TBX15: variants seen among roughly 807,000 people sequenced by gnomAD.
TBX15 encodes T-box transcription factor TBX15.
TBX15 carries 18 observed loss-of-function variants against 53.9 expected under a neutral mutation model. The ratio of observed to expected loss-of-function variants is 0.33; its 90% confidence interval spans 0.23 to 0.49. The LOEUF (loss-of-function observed/expected upper bound fraction) is 0.49, where lower values mean the gene tolerates loss of function less well. TBX15 is among the 20% of genes least tolerant of loss of function. TBX15 has a pLI of 0.98. For missense variants in TBX15, 692 were observed against 749.5 expected (o/e 0.92, Z 0.90); for synonymous variants, 295 against 278.0 (o/e 1.06, Z -0.61).
chr1:118,909,709 A>G (rs549429390), intron 6 of TBX15, among the ~76,000 whole-genome samples: 1 of 152,258 alleles, frequency 6.6e-6, no homozygotes, highest in Non-Finnish European at 1.5e-5. Flanking sequence ...CAGCGCCCCC[A>G]GTAGCTGGGA....
chr1:118,967,466 GA>G (rs1053840744), intron 1 of TBX15, among the ~76,000 whole-genome samples: 2 of 152,144 alleles, frequency 1.3e-5, no homozygotes, highest in African/African-American at 4.8e-5. Context: ...TGCCACCACT[GA>G]GCTAAGATTT....
chr1:118,939,015 A>G (rs982861576), intron 1 of TBX15, among the ~76,000 whole-genome samples: 1 of 152,188 alleles, frequency 6.6e-6, no homozygotes, highest in Non-Finnish European at 1.5e-5. Context: ...AATGTGGTAC[A>G]TATATACCAT....
intron 1 of TBX15, among the ~76,000 whole-genome samples, chr1:118,941,429 A>G (rs932029604): frequency 6.6e-6 from 1 of 152,186 alleles, no homozygotes; most frequent in African/African-American, 2.4e-5. Flanking sequence ...AAGTAGGATA[A>G]ACATTTGAGC....
intron 6 of TBX15, among the ~76,000 whole-genome samples, chr1:118,908,905 A>G (rs1456511818): frequency 2.1e-5 from 3 of 144,126 alleles, no homozygotes; most frequent in African/African-American, 7.7e-5. Flanking sequence ...ACTTACACAT[A>G]CGCACACTCA....
chr1:118,958,019 C>A (rs1270128490), intron 1 of TBX15, among the ~76,000 whole-genome samples: 14 of 152,134 alleles, frequency 9.2e-5, no homozygotes, highest in Non-Finnish European at 1.9e-4. Context: ...AAAATTAATG[C>A]AAAAATTTGC....
At chr1:118,971,927 T>C (rs145107350) in intron 1 of TBX15, among the ~76,000 whole-genome samples, 329 of 152,362 alleles carry the variant, frequency 2.2e-3, no homozygotes, top group African/African-American at 7.3e-3. Flanking sequence ...GCAGTTATTC[T>C]ATAAATGATA....
intron 1 of TBX15, among the ~76,000 whole-genome samples, chr1:118,957,519 G>A (rs1014421239): frequency 6.6e-5 from 10 of 152,038 alleles, no homozygotes; most frequent in Non-Finnish European, 1.0e-4. Flanking sequence ...TGTGCACAAC[G>A]TGCAGGTTAG....
chr1:118,953,865 G>C (rs1211917761), intron 1 of TBX15, among the ~76,000 whole-genome samples: 1 of 152,168 alleles, frequency 6.6e-6, no homozygotes, highest in African/African-American at 2.4e-5. Flanking sequence ...AACAGTCAAG[G>C]AGTTGTCTTT....
chr1:118,985,534 GC>G (rs1657802337), intron 1 of TBX15, among the ~76,000 whole-genome samples: 1 of 152,180 alleles, frequency 6.6e-6, no homozygotes, highest in African/African-American at 2.4e-5. Context: ...GAAAGGCTTA[GC>G]CATTGCGGGG....
chr1:118,936,309 T>A (rs1655964077), intron 1 of TBX15, among the ~76,000 whole-genome samples: 1 of 152,170 alleles, frequency 6.6e-6, no homozygotes, highest in South Asian at 2.1e-4. Flanking sequence ...TGCATACACT[T>A]TTAGTCTAAT....
rs952369751 is a variant in TBX15 at position 118,908,286 on chromosome 1, A to G, written c.926+5829T>C. Among the ~76,000 whole-genome samples, 4 of 152,220 alleles carry G rather than the reference A, an allele frequency of 2.6e-5. No homozygotes were observed. The East Asian group carries it at 7.7e-4, about 29-fold the overall frequency. ...TCCTGGCACCATGGAAAAAAAATAC[A>G]AGAACAGAAACCTGCAATAGGTACA... On this transcript the variant is annotated intron_variant, in intron 6 of 7. Coordinates refer to ENST00000369429, the MANE Select transcript of TBX15 (RefSeq NM_001330677.2).
At chr1:118,922,537 G>T (rs1234264556) in intron 5 of TBX15, among the ~76,000 whole-genome samples, 2 of 152,128 alleles carry the variant, frequency 1.3e-5, no homozygotes, top group African/African-American at 4.8e-5. Flanking sequence ...AACACAAGTT[G>T]AAAGAAATTA....
chr1:118,985,518 C>G (rs1033013274), intron 1 of TBX15, among the ~76,000 whole-genome samples: 9 of 152,158 alleles, frequency 5.9e-5, no homozygotes, highest in Non-Finnish European at 1.0e-4. Flanking sequence ...ATCAGCAAAT[C>G]GTTAAGAAAG....
intron 1 of TBX15, among the ~76,000 whole-genome samples, chr1:118,939,157 A>T (rs1656063822): frequency 6.6e-6 from 1 of 152,094 alleles, no homozygotes; most frequent in African/African-American, 2.4e-5. Flanking sequence ...CTATAATCTT[A>T]GCACTTTGGA....
chr1:118,938,163 G>A (rs1006254761), intron 1 of TBX15, among the ~76,000 whole-genome samples: 4 of 152,108 alleles, frequency 2.6e-5, no homozygotes, highest in Non-Finnish European at 4.4e-5. Context: ...ACTATAACCC[G>A]GGATGGATTA....
chr1:118,957,216 A>G (rs1211602895), intron 1 of TBX15, among the ~76,000 whole-genome samples: 1 of 152,240 alleles, frequency 6.6e-6, no homozygotes, highest in African/African-American at 2.4e-5. Context: ...ACAACCATGC[A>G]CTTGACAATA....
At chr1:118,947,259 C>T (rs10923703) in intron 1 of TBX15, among the ~76,000 whole-genome samples, 46,132 of 152,198 alleles carry the variant, frequency 0.3, 8,505 homozygotes, top group East Asian at 0.57. Flanking sequence ...CTCAGTTTGT[C>T]TGCTACCAAG....
intron 7 of TBX15, among the ~76,000 whole-genome samples, chr1:118,894,384 T>G (rs901654439): frequency 6.6e-6 from 1 of 152,140 alleles, no homozygotes; most frequent in Non-Finnish European, 1.5e-5. Flanking sequence ...ACATGCAAGG[T>G]CTAGCGACAA....
intron 2 of TBX15, among the ~76,000 whole-genome samples, chr1:118,926,850 CA>C (rs1301095698): frequency 6.6e-6 from 1 of 150,422 alleles, no homozygotes; most frequent in African/African-American, 2.5e-5. Context: ...GGACTACAGG[CA>C]TGAGCCACCA....
Sources: gnomAD v4.1 joint callset for allele counts (sites outside exome capture counted in the v4.1 genomes callset) on GRCh38, gnomAD v4.1.1 for gene constraint, MANE v1.5 for transcripts, NCBI Gene and HGNC (gene_info 2026-07-23, HGNC 2026-07-21) for gene names.